BANP: variants seen among roughly 807,000 people sequenced by gnomAD.
BANP encodes protein BANP.
Under a neutral mutation model 68.1 loss-of-function variants are expected in BANP, and 11 were observed. The ratio of observed to expected loss-of-function variants is 0.16; its 90% CI spans 0.10 to 0.27. The LOEUF (loss-of-function observed/expected upper bound fraction) is 0.27, where lower values mean the gene tolerates loss of function less well. Among genes scored for constraint, BANP ranks in the 10% least tolerant of loss-of-function variants. The probability of loss-of-function intolerance (pLI) is 1.00; values close to 1 mark genes in which losing one functional copy is unlikely to be tolerated. For synonymous variants in BANP, 329 were observed against 303.2 expected, an observed-to-expected ratio of 1.09 and a Z score of -0.88; for missense variants, 504 against 722.7, an observed-to-expected ratio of 0.70 and a Z score of 3.47.
chr16:87,982,259 G>A (rs547984007), intron 3 of BANP, among the ~76,000 whole-genome samples: 37 of 152,238 alleles, frequency 2.4e-4, no homozygotes, highest in Non-Finnish European at 4.6e-4. Flanking sequence ...TTGTCCCACT[G>A]TTGAGAAGAG....
Position 88,041,962 on chromosome 16 carries a change from G to A in BANP, c.1311+3951G>A, listed in dbSNP as rs546272699. On this transcript the variant is annotated intron_variant, in intron 11 of 13. Transcript: ENST00000682872. ...GAGACGCAGTAGGAGGGTGAGAGAC[G>A]CAGTAGGAGGGTGAGAGACGCAGTA... Among the ~76,000 whole-genome samples the A allele has an allele frequency of 1.6e-4, 24 of 152,172 alleles. No homozygotes were observed. The East Asian group carries it at 4.3e-3, about 27-fold the overall frequency.
rs141354012 is a variant in BANP, at chr16:88,023,119, TTGTC to T, written c.896-4360_896-4357del. ...GTGGACTCCATGCAGGGGTGGGTGT[TTGTC>T]TGTGTATCTTGGGACATTGAGCGCC... On this transcript the variant is annotated intron_variant, in intron 7 of 13. Transcript: ENST00000682872. Among the ~76,000 whole-genome samples the T allele has an allele frequency of 2.3e-3, 357 of 152,260 alleles. 3 individuals are homozygous for T. The highest frequency in any genetic ancestry group is 0.02 in the East Asian group (103 of 5,178).
chr16:87,962,238 T>TAAAAAAA (rs2059299805), intron 1 of BANP, among the ~76,000 whole-genome samples: 1 of 18,838 alleles, frequency 5.3e-5, no homozygotes, highest in African/African-American at 3.6e-4. Flanking sequence ...AGACTTGGTC[T>TAAAAAAA]CAAAAAAAAA....
At chr16:87,959,218 G>C (rs2058659295) in intron 1 of BANP, among the ~76,000 whole-genome samples, 1 of 152,230 alleles carries the variant, frequency 6.6e-6, no homozygotes, top group Non-Finnish European at 1.5e-5. Flanking sequence ...TGAGAAGCAG[G>C]CACCTTGTTT....
At chr16:87,971,963 A>T (rs1020693784) in intron 1 of BANP, among the ~76,000 whole-genome samples, 8 of 151,940 alleles carry the variant, frequency 5.3e-5, no homozygotes, top group African/African-American at 1.5e-4. Flanking sequence ...CAGTTAATTT[A>T]AAAAATATTT....
At chr16:87,974,707 T>G (rs11117333) in intron 1 of BANP, among the ~76,000 whole-genome samples, 52,950 of 151,782 alleles carry the variant, frequency 0.35, 10,528 homozygotes, top group Non-Finnish European at 0.47. Context: ...TTTGCTGTAG[T>G]CAGTCAGGCC....
At chr16:87,993,140 G>A (rs554390369) in intron 4 of BANP, among the ~76,000 whole-genome samples, 1 of 152,342 alleles carries the variant, frequency 6.6e-6, no homozygotes, top group African/African-American at 2.4e-5. Context: ...CCTTCTCATC[G>A]CATTCTGTCC....
At chr16:88,022,238 G>A (rs977104134) in intron 7 of BANP, among the ~76,000 whole-genome samples, 2 of 152,144 alleles carry the variant, frequency 1.3e-5, no homozygotes, top group African/African-American at 4.8e-5. Context: ...TCCACGGCTC[G>A]CTCACGCCTC....
rs1385283882 is a variant in BANP, at chr16:88,003,954, G to T, written c.363-341G>T. On this transcript the variant is annotated intron_variant, in intron 4 of 13. Transcript: ENST00000682872. This position sits in a 1 kb window ranked among gnomAD's most constrained non-coding sequence, Gnocchi z 6.1. ...GCCACCCTAGAAGCTTTATTAACTG[G>T]GTGCGATAACAGCTGGTGCGGTTGC... is the stretch of plus-strand genomic sequence containing the variant. 3.1e-6 allele frequency: 1 copy of T among 318,716 alleles called. No individual in the cohort carries two copies. The highest frequency in any genetic ancestry group is 2.2e-5 in the African/African-American group (1 of 45,612). 19.7% of individuals were successfully genotyped at this position (318,716 alleles called of 1,614,324 possible). A position where few individuals can be genotyped will look rare whatever the true frequency, so the allele number is the denominator to read the frequency against.
chr16:88,059,492 G>A (rs1176086372), intron 11 of BANP, among the ~76,000 whole-genome samples: 1 of 152,100 alleles, frequency 6.6e-6, no homozygotes, highest in East Asian at 1.9e-4. Flanking sequence ...TTAAGCCCAA[G>A]TTCACAGGTA....
At chr16:87,958,967 C>T (rs138983195) in intron 1 of BANP, among the ~76,000 whole-genome samples, 9 of 152,310 alleles carry the variant, frequency 5.9e-5, no homozygotes, top group East Asian at 3.9e-4. Context: ...GAGGACCTTG[C>T]GGCGCCTTGG....
intron 7 of BANP, among the ~76,000 whole-genome samples, chr16:88,024,194 C>A (rs904564610): frequency 6.6e-6 from 1 of 152,152 alleles, no homozygotes; most frequent in Non-Finnish European, 1.5e-5. Context: ...CCCGTCTCCC[C>A]GAGCACCTCT....
intron 2 of BANP, among the ~76,000 whole-genome samples, chr16:87,979,552 G>GCA (rs1724054240): frequency 6.6e-6 from 1 of 152,156 alleles, no homozygotes; most frequent in Non-Finnish European, 1.5e-5. Context: ...AAGGGCTGGG[G>GCA]CACAGCACCA....
At chr16:87,951,019 G>T (rs181249767), upstream of BANP, 1 of 152,376 alleles carries the variant, frequency 6.6e-6, no homozygotes, top group Admixed American at 6.5e-5. Flanking sequence ...GGCCACCGGA[G>T]TCCGGAGAGA....
intron 10 of BANP, 58 bp from the exon 11 acceptor site, chr16:88,037,915 C>G (rs1423190814): frequency 7.8e-6 from 12 of 1,543,916 alleles, no homozygotes; most frequent in Non-Finnish European, 9.9e-6. Flanking sequence ...TTTGCCGTGT[C>G]TGAGGGTGTC....
At chr16:87,969,055 C>G (rs2060640222) in intron 1 of BANP, among the ~76,000 whole-genome samples, 1 of 152,150 alleles carries the variant, frequency 6.6e-6, no homozygotes, top group Non-Finnish European at 1.5e-5. Flanking sequence ...AGCATGTCGT[C>G]TGCACTGCCC....
At chr16:88,032,826 C>T (rs2078487439) in intron 8 of BANP, among the ~76,000 whole-genome samples, 1 of 152,134 alleles carries the variant, frequency 6.6e-6, no homozygotes, top group Non-Finnish European at 1.5e-5. Context: ...ACTTTAAGAA[C>T]TTCATTCATT....
At position 88,024,229 on chromosome 16, in the gene BANP, G is replaced by T. The variant is rs139197413; in HGVS notation, c.896-3254G>T. 2.1e-3 allele frequency among the ~76,000 whole-genome samples: 314 copies of T among 152,246 alleles called. 2 individuals are homozygous for T. Among genetic ancestry groups the T allele is most frequent in the African/African-American group, 6.9e-3 (286 of 41,532 alleles). On this transcript the variant is annotated intron_variant, in intron 7 of 13. Coordinates refer to ENST00000682872, the MANE Select transcript of BANP (RefSeq NM_001386991.1). ...TCATGGGTTCTCAGGATCCAGTGAGGGCCGCTGCTTCTTCACCTGGTGGGC... is the reference window on the plus strand; with the variant it reads ...TCATGGGTTCTCAGGATCCAGTGAGTGCCGCTGCTTCTTCACCTGGTGGGC...
chr16:87,997,968 A>G (rs1327755762), intron 4 of BANP, among the ~76,000 whole-genome samples: 1 of 152,170 alleles, frequency 6.6e-6, no homozygotes, highest in East Asian at 1.9e-4. Flanking sequence ...CGCACAGTGG[A>G]TGAGAACATT....
Sources: allele counts gnomAD v4.1 joint callset (sites outside exome capture counted in the v4.1 genomes callset), GRCh38; gene constraint gnomAD v4.1.1; non-coding constraint Gnocchi (gnomAD v3.1); transcripts MANE v1.5; gene names NCBI Gene and HGNC (gene_info 2026-07-23, HGNC 2026-07-21).